Variants in N4BP2L2 observed in about 807,000 individuals in gnomAD.
N4BP2L2 encodes the protein NEDD4-binding protein 2-like 2.
N4BP2L2 carries 50 observed loss-of-function variants against 56.2 expected under a neutral mutation model. The ratio of observed to expected loss-of-function variants is 0.89; its 90% CI spans 0.71 to 1.13. The LOEUF (loss-of-function observed/expected upper bound fraction) is 1.13. N4BP2L2 is among the 50% of genes most tolerant of loss of function. The pLI is 0.00. For synonymous variants in N4BP2L2, 203 were observed against 223.6 expected (o/e 0.91, Z 0.82); for missense variants, 689 against 693.8 (o/e 0.99, Z 0.08).
intron 6 of N4BP2L2, among the ~76,000 whole-genome samples, chr13:32,502,650 A>G (rs1187355124): frequency 3.9e-5 from 6 of 152,186 alleles, no homozygotes; most frequent in Non-Finnish European, 2.9e-5. Flanking sequence ...AGTGCAGTCA[A>G]AACTGCAACT....
chr13:32,462,861 T>TAAAAA lies in N4BP2L2; in HGVS notation c.366-18740_366-18736dup, dbSNP rs569068082. Among the ~76,000 whole-genome samples the TAAAAA allele has an allele frequency of 5.7e-4, 29 of 51,114 alleles. 1 individual carries two copies. The highest frequency in any genetic ancestry group is 2.0e-3 in the East Asian group (2 of 996). 33.5% of individuals were successfully genotyped at this position (51,114 alleles called of 152,430 possible). Reference sequence around the variant, plus strand: ...CAACATGGTGAAACCCTGTCTTTACTAAAAAAAAAAAAAAAAAAAAAAAAA... The same window carrying TAAAAA: ...CAACATGGTGAAACCCTGTCTTTACTAAAAAAAAAAAAAAAAAAAAAAAAAAAAAA... On this transcript the variant is annotated intron_variant, in intron 6 of 9. Coordinates refer to the N4BP2L2 transcript ENST00000357505.
intron 6 of N4BP2L2, among the ~76,000 whole-genome samples, chr13:32,447,241 A>G (rs2077180501): frequency 6.6e-6 from 1 of 152,138 alleles, no homozygotes; most frequent in African/African-American, 2.4e-5. Context: ...GGATCAAATC[A>G]AAAAAGAAAC....
At chr13:32,520,993 C>T (rs1224145930) in intron 5 of N4BP2L2, among the ~76,000 whole-genome samples, 1 of 152,170 alleles carries the variant, frequency 6.6e-6, no homozygotes, top group Non-Finnish European at 1.5e-5. Flanking sequence ...ACATGCTCCC[C>T]CAAACTCTGA....
At chr13:32,516,303 A>C (rs920705592) in exon 6 of N4BP2L2, 3 of 152,244 alleles carry the variant, frequency 2.0e-5, no homozygotes, top group African/African-American at 7.2e-5. Flanking sequence ...ACAAAACATG[A>C]ATTAGCATAT....
At chr13:32,449,194 GTATATT>G (rs1221386609) in intron 6 of N4BP2L2, among the ~76,000 whole-genome samples, 1 of 152,166 alleles carries the variant, frequency 6.6e-6, no homozygotes, top group Non-Finnish European at 1.5e-5. Context: ...GTTTAGAACT[GTATATT>G]TATAAGGAGT....
At position 32,538,614 on chromosome 13, in the gene N4BP2L2, TCA is replaced by T. The variant is rs1378677210; in HGVS notation, c.-1+2_-1+3del. ...CCCTCACCTAAAACGGGGTGTCTACTCACCTTACTCTACCCCTACGCATTGAC... is the reference window on the plus strand; with the variant it reads ...CCCTCACCTAAAACGGGGTGTCTACTCCTTACTCTACCCCTACGCATTGAC... On this transcript the variant is annotated splice_donor_variant and splice_donor_region_variant and intron_variant, in intron 1 of 5. Transcript: ENST00000267068. LOFTEE classifies it low-confidence loss of function (5UTR_SPLICE). The T allele has an allele frequency of 1.0e-6, 1 of 985,326 alleles. No homozygotes were observed. The highest frequency in any genetic ancestry group is 6.1e-5 in the Admixed American group (1 of 16,264). 61.0% of individuals were successfully genotyped at this position (985,326 alleles called of 1,614,324 possible). A position where few individuals can be genotyped will look rare whatever the true frequency, so the allele number is the denominator to read the frequency against.
In N4BP2L2 at chr13:32,536,369, T is replaced by A. The variant is rs1026740789; in HGVS notation, c.659A>T (p.Glu220Val). Reference sequence around the variant, plus strand: ...AGCTTTATTACTAAGATCTTTCTTTTCTTCATCAGGTTTTAAGAGACCATT... The same window carrying A: ...AGCTTTATTACTAAGATCTTTCTTTACTTCATCAGGTTTTAAGAGACCATT... Residue 220 changes from glutamate (E) to valine (V), a missense_variant, in exon 2 of 6, where the codon GAA becomes GTA. Glu to Val is a moderately radical substitution (Grantham distance 121). Transcript: ENST00000267068. 6.8e-6 allele frequency: 11 copies of A among 1,614,152 alleles called. No homozygotes were observed. In the Admixed American group the frequency reaches 8.3e-5, roughly 12 times the overall value.
At chr13:32,512,673 ACT>A (rs1485274667) in exon 6 of N4BP2L2, 2 of 152,056 alleles carry the variant, frequency 1.3e-5, no homozygotes, top group East Asian at 1.9e-4. Flanking sequence ...TACTGTTGAG[ACT>A]CTCTTTCCAA....
Position 32,457,622 on chromosome 13 carries a change from C to T in N4BP2L2, c.366-13496G>A, listed in dbSNP as rs185311778. Among the ~76,000 whole-genome samples the T allele has an allele frequency of 2.5e-3, 388 of 152,274 alleles. 1 individual carries two copies. The highest frequency in any genetic ancestry group is 9.0e-3 in the African/African-American group (376 of 41,566). ...AAAATTATCAACCAAGAATACTATA[C>T]CCAGGAAAGTTATCCTTCAAAAATT... On this transcript the variant is annotated intron_variant, in intron 6 of 9. Coordinates refer to the N4BP2L2 transcript ENST00000357505.
At chr13:32,451,999 A>G (rs2078117419) in intron 6 of N4BP2L2, among the ~76,000 whole-genome samples, 1 of 151,902 alleles carries the variant, frequency 6.6e-6, no homozygotes, top group Admixed American at 6.6e-5. Flanking sequence ...CTGCAATCAT[A>G]TGCATAATTT....
At chr13:32,519,913 A>G (rs186263947) in intron 5 of N4BP2L2, among the ~76,000 whole-genome samples, 25 of 152,346 alleles carry the variant, frequency 1.6e-4, no homozygotes, top group Admixed American at 5.9e-4. Context: ...ATAACTGCAT[A>G]GCATTTTATC....
chr13:32,443,297 T>C (rs781058717), exon 7 of N4BP2L2: 5 of 1,613,908 alleles, frequency 3.1e-6, no homozygotes, highest in Non-Finnish European at 4.2e-6. Flanking sequence ...TGCCCCCTGC[T>C]GTCAGGACCA....
chr13:32,510,727 C>T (rs1207100469), exon 6 of N4BP2L2: 1 of 152,032 alleles, frequency 6.6e-6, no homozygotes, highest in East Asian at 1.9e-4. Flanking sequence ...TCCAACGCCT[C>T]ACCTCAGGTG....
chr13:32,518,943 C>T (rs2049985666), intron 5 of N4BP2L2, among the ~76,000 whole-genome samples: 1 of 152,132 alleles, frequency 6.6e-6, no homozygotes, highest in Admixed American at 6.5e-5. Flanking sequence ...TCATAGTTTT[C>T]TGTAACTTGA....
chr13:32,439,767 C>A (rs1018365075), intron 7 of N4BP2L2, among the ~76,000 whole-genome samples: 1 of 149,988 alleles, frequency 6.7e-6, no homozygotes, highest in East Asian at 1.9e-4. Context: ...AATCCCAGCA[C>A]TTTGGGAGGC....
At chr13:32,497,150 C>T (rs1446709026) in intron 6 of N4BP2L2, among the ~76,000 whole-genome samples, 1 of 152,198 alleles carries the variant, frequency 6.6e-6, no homozygotes, top group East Asian at 1.9e-4. Context: ...TATTCACTTT[C>T]AGAGTGAGGT....
At chr13:32,451,125 A>G (rs2138474050) in intron 6 of N4BP2L2, among the ~76,000 whole-genome samples, 1 of 152,282 alleles carries the variant, frequency 6.6e-6, no homozygotes, top group Non-Finnish European at 1.5e-5. Flanking sequence ...AAAAAAGAGC[A>G]GAATAAACTT....
chr13:32,487,139 T>C (rs914585433), intron 6 of N4BP2L2, among the ~76,000 whole-genome samples: 1 of 151,900 alleles, frequency 6.6e-6, no homozygotes, highest in Admixed American at 6.6e-5. Flanking sequence ...CCTGCCTAGG[T>C]AACATGGTGA....
chr13:32,462,795 G>C (rs1474009552), intron 6 of N4BP2L2, among the ~76,000 whole-genome samples: 1 of 144,570 alleles, frequency 6.9e-6, no homozygotes, highest in African/African-American at 2.5e-5. Context: ...GGAGGTCAAG[G>C]AGGGCGGATC....
Sources: allele counts gnomAD v4.1 joint callset (sites outside exome capture counted in the v4.1 genomes callset), GRCh38; gene constraint gnomAD v4.1.1; transcripts MANE v1.5; gene names NCBI Gene and HGNC (gene_info 2026-07-23, HGNC 2026-07-21).